KIAA1217: variants seen among roughly 807,000 people sequenced by gnomAD.
The protein encoded by KIAA1217 is KIAA1217.
A neutral mutation model predicts 163.9 loss-of-function variants in KIAA1217; 88 were observed. The observed-to-expected ratio is 0.54, with a 90% confidence interval of 0.45 to 0.64. The LOEUF (loss-of-function observed/expected upper bound fraction) is 0.64, where lower values mean the gene tolerates loss of function less well. Among genes scored for constraint, KIAA1217 ranks in the 30% least tolerant of loss-of-function variants. The pLI is 0.00. For missense variants in KIAA1217, 2,372 were observed against 2,475.0 expected, an observed-to-expected ratio of 0.96 and a Z score of 0.88; for synonymous variants, 903 against 923.1, an observed-to-expected ratio of 0.98 and a Z score of 0.39.
intron 2 of KIAA1217, among the ~76,000 whole-genome samples, chr10:24,249,918 G>A (rs1167362765): frequency 6.6e-6 from 1 of 152,106 alleles, no homozygotes; most frequent in African/African-American, 2.4e-5. Flanking sequence ...TTTATGGGTT[G>A]GATTTCCAAA....
intron 1 of KIAA1217, among the ~76,000 whole-genome samples, chr10:23,753,536 T>C (rs1833766936): frequency 6.6e-6 from 1 of 152,186 alleles, no homozygotes; most frequent in South Asian, 2.1e-4. Flanking sequence ...AATTTGGAGC[T>C]CTTACAGACT....
chr10:24,388,358 G>A (rs1176612957), intron 3 of KIAA1217, among the ~76,000 whole-genome samples: 1 of 152,216 alleles, frequency 6.6e-6, no homozygotes, highest in Admixed American at 6.5e-5. Flanking sequence ...CTAGCCATAT[G>A]TGGAAAGCTG....
intron 2 of KIAA1217, among the ~76,000 whole-genome samples, chr10:24,181,896 G>A (rs1031967367): frequency 6.6e-6 from 1 of 152,146 alleles, no homozygotes; most frequent in African/African-American, 2.4e-5. Flanking sequence ...GGGTACACAG[G>A]TTTTGGAGTA....
chr10:24,098,451 A>G (rs907549555), intron 2 of KIAA1217, among the ~76,000 whole-genome samples: 2 of 152,152 alleles, frequency 1.3e-5, no homozygotes, highest in Non-Finnish European at 2.9e-5. Flanking sequence ...AAGCTCACTG[A>G]GGCTCTAGAT....
intron 2 of KIAA1217, among the ~76,000 whole-genome samples, chr10:24,323,757 G>A (rs2044476029): frequency 6.6e-6 from 1 of 150,682 alleles, no homozygotes; most frequent in African/African-American, 2.5e-5. Context: ...GATTCAAATG[G>A]AATTTGAAGA....
intron 1 of KIAA1217, among the ~76,000 whole-genome samples, chr10:23,976,558 T>G (rs528100808): frequency 1.3e-5 from 2 of 152,298 alleles, no homozygotes; most frequent in East Asian, 3.9e-4. Flanking sequence ...TCCTCAATAC[T>G]CAACCAGTAC....
At chr10:23,727,432 CA>C (rs1220572169) in intron 1 of KIAA1217, among the ~76,000 whole-genome samples, 2 of 151,832 alleles carry the variant, frequency 1.3e-5, no homozygotes, top group African/African-American at 4.8e-5. Context: ...TGGTGGTGCA[CA>C]CCTATAATCC....
chr10:24,034,180 C>T (rs1848298934), intron 2 of KIAA1217, among the ~76,000 whole-genome samples: 1 of 152,158 alleles, frequency 6.6e-6, no homozygotes, highest in Admixed American at 6.5e-5. Flanking sequence ...ACACCTTTTT[C>T]AAAGTGATTT....
chr10:24,178,069 G>A (rs1414109641), intron 2 of KIAA1217, among the ~76,000 whole-genome samples: 1 of 152,146 alleles, frequency 6.6e-6, no homozygotes, highest in African/African-American at 2.4e-5. Flanking sequence ...TGTTTATTCT[G>A]AGGAGAGCAA....
At chr10:23,710,655 A>G (rs553387120) in intron 1 of KIAA1217, among the ~76,000 whole-genome samples, 1 of 152,356 alleles carries the variant, frequency 6.6e-6, no homozygotes, top group South Asian at 2.1e-4. Context: ...AATTCATTAT[A>G]TTTTGGAGAC....
intron 1 of KIAA1217, among the ~76,000 whole-genome samples, chr10:23,942,597 C>CA (rs1419592560): frequency 6.6e-6 from 1 of 152,052 alleles, no homozygotes; most frequent in African/African-American, 2.4e-5. Context: ...TAAACTTACC[C>CA]ATCAACAAAT....
intron 1 of KIAA1217, among the ~76,000 whole-genome samples, chr10:23,843,588 T>C (rs2131073891): frequency 6.6e-6 from 1 of 152,272 alleles, no homozygotes; most frequent in Middle Eastern, 3.4e-3. Context: ...CTGTCCTTCC[T>C]AATTCTGCTC....
At chr10:23,970,165 C>T (rs1032111273) in intron 1 of KIAA1217, among the ~76,000 whole-genome samples, 2 of 152,052 alleles carry the variant, frequency 1.3e-5, no homozygotes, top group Non-Finnish European at 2.9e-5. Flanking sequence ...TGATTTTTTT[C>T]TTTTATCATG....
intron 2 of KIAA1217, among the ~76,000 whole-genome samples, chr10:24,071,987 T>A (rs915050843): frequency 6.6e-6 from 1 of 152,212 alleles, no homozygotes; most frequent in African/African-American, 2.4e-5. Context: ...TTATTTTTTA[T>A]GACTGTTACA....
At chr10:24,186,310 A>T (rs566051218) in intron 2 of KIAA1217, among the ~76,000 whole-genome samples, 3 of 152,154 alleles carry the variant, frequency 2.0e-5, no homozygotes, top group Admixed American at 6.5e-5. Context: ...TTATACTTGG[A>T]TGACAGTGTT....
At chr10:24,041,157 AC>A (rs1218378792) in intron 2 of KIAA1217, among the ~76,000 whole-genome samples, 1 of 152,216 alleles carries the variant, frequency 6.6e-6, no homozygotes, top group Non-Finnish European at 1.5e-5. Flanking sequence ...TCTTCCCAGA[AC>A]CTTTTTATAG....
intron 2 of KIAA1217, among the ~76,000 whole-genome samples, chr10:24,376,312 T>C (rs1220760630): frequency 6.6e-6 from 1 of 152,208 alleles, no homozygotes; most frequent in Non-Finnish European, 1.5e-5. Context: ...GATGTGTACT[T>C]AGAGTTAGAA....
chr10:23,977,986 C>G (rs964033520), intron 1 of KIAA1217, among the ~76,000 whole-genome samples: 4 of 152,150 alleles, frequency 2.6e-5, no homozygotes, highest in African/African-American at 9.7e-5. Flanking sequence ...ATTTGCAGCT[C>G]CTAGTAATTG....
chr10:24,188,252 T>C (rs1735537181), intron 2 of KIAA1217, among the ~76,000 whole-genome samples: 1 of 152,208 alleles, frequency 6.6e-6, no homozygotes, highest in Non-Finnish European at 1.5e-5. Context: ...GTTTTAAATA[T>C]GTTTATTTGT....
Sources: gnomAD v4.1 joint callset for allele counts (sites outside exome capture counted in the v4.1 genomes callset) on GRCh38, gnomAD v4.1.1 for gene constraint, MANE v1.5 for transcripts, NCBI Gene and HGNC (gene_info 2026-07-23, HGNC 2026-07-21) for gene names.